ANKRD17: variants seen among roughly 807,000 people sequenced by gnomAD.
ANKRD17 encodes ankyrin repeat domain 17.
ANKRD17 carries 19 observed loss-of-function variants against 229.7 expected under a neutral mutation model. That is an observed-to-expected ratio of 0.08 (90% confidence interval 0.06 to 0.12). ANKRD17 has a LOEUF of 0.12. ANKRD17 is among the 10% of genes least tolerant of loss of function. The probability of loss-of-function intolerance (pLI) is 1.00; values close to 1 mark genes in which losing one functional copy is unlikely to be tolerated. For missense variants in ANKRD17, 2,176 were observed against 3,176.8 expected (o/e 0.68, Z 7.57); for synonymous variants, 1,112 against 1,146.1 (o/e 0.97, Z 0.60).
chr4:73,219,472 T>A (rs1455319246), intron 1 of ANKRD17, among the ~76,000 whole-genome samples: 1 of 152,204 alleles, frequency 6.6e-6, no homozygotes, highest in East Asian at 1.9e-4. Context: ...TAGTCCACAA[T>A]CTTGGCAATC....
rs577750630 is a variant in ANKRD17 at position 73,148,310 on chromosome 4, T to G, written c.1567+503A>C. ...CTAAACTGAAGATATCTTAACATATTGAAGTAATTGTTTCACTTTTCCCAA... is the reference window on the plus strand; with the variant it reads ...CTAAACTGAAGATATCTTAACATATGGAAGTAATTGTTTCACTTTTCCCAA... On this transcript the variant is annotated intron_variant, in intron 8 of 33. Coordinates refer to ENST00000358602, the MANE Select transcript of ANKRD17 (RefSeq NM_032217.5). Among the ~76,000 whole-genome samples the G allele has an allele frequency of 2.8e-3, 419 of 152,316 alleles. 3 individuals are homozygous for G. The highest frequency in any genetic ancestry group is 3.9e-3 in the Non-Finnish European group (267 of 68,024).
At chr4:73,206,381 A>T (rs185711967) in intron 1 of ANKRD17, among the ~76,000 whole-genome samples, 3 of 151,834 alleles carry the variant, frequency 2.0e-5, no homozygotes, top group Non-Finnish European at 4.4e-5. Flanking sequence ...AATGTGGCCT[A>T]TATACACAAT....
At chr4:73,181,249 A>G (rs944435802) in intron 1 of ANKRD17, among the ~76,000 whole-genome samples, 1 of 152,198 alleles carries the variant, frequency 6.6e-6, no homozygotes, top group East Asian at 1.9e-4. Context: ...CAAACATTCT[A>G]TGTGTAAAAA....
intron 2 of ANKRD17, among the ~76,000 whole-genome samples, chr4:73,164,720 A>C (rs1733001211): frequency 6.6e-6 from 1 of 151,676 alleles, no homozygotes; most frequent in Non-Finnish European, 1.5e-5. Context: ...TGAACCCGGG[A>C]GGTGAAGGTT....
rs1720870432 is a variant in ANKRD17 at position 73,074,188 on chromosome 4, T to C, written c.*2043A>G. ...CAAGAAAATATAGGAGTTTTCCCCCTCCTTTTTAAATAAAATACCTCACCT... is the reference window on the plus strand; with the variant it reads ...CAAGAAAATATAGGAGTTTTCCCCCCCCTTTTTAAATAAAATACCTCACCT... On this transcript the variant is annotated 3_prime_UTR_variant, in exon 34 of 34. Transcript: ENST00000358602. 6.6e-6 allele frequency: 1 copy of C among 151,918 alleles called. No homozygotes were observed. The highest frequency in any genetic ancestry group is 6.6e-5 in the Admixed American group (1 of 15,248). 9.4% of individuals were successfully genotyped at this position (151,918 alleles called of 1,614,324 possible).
At position 73,118,668 on chromosome 4, in the gene ANKRD17, T is replaced by C; in HGVS notation, c.4188+20A>G. The C allele has an allele frequency of 1.9e-6, 3 of 1,612,658 alleles. No individual in the cohort carries two copies. Among genetic ancestry groups the C allele is most frequent in the Non-Finnish European group, 2.5e-6 (3 of 1,179,086 alleles). On this transcript the variant is annotated intron_variant, in intron 22 of 33. Transcript: ENST00000358602. ...GTAAGTAAAAAAACATCCAGGTAAA[T>C]GAGGATGAAAGACTTATACCTTTCT...
At chr4:73,122,097 G>A (rs533060777) in intron 18 of ANKRD17, among the ~76,000 whole-genome samples, 5 of 152,134 alleles carry the variant, frequency 3.3e-5, no homozygotes, top group Admixed American at 1.3e-4. Flanking sequence ...AGATTTTTTC[G>A]TATTATACAT....
At chr4:73,084,922 A>G (rs972271824) in intron 30 of ANKRD17, among the ~76,000 whole-genome samples, 2 of 152,096 alleles carry the variant, frequency 1.3e-5, no homozygotes, top group African/African-American at 4.8e-5. Context: ...GGTGGCTCAC[A>G]CCTGTAATCC....
chr4:73,091,478 G>A lies in ANKRD17; in HGVS notation c.6150C>T (p.Ala2050=), dbSNP rs1274441519. ...VSSPSSPSPP[A]QPGGVSRNSP... ...TGTTTCTAGAAACCCCTCCTGGCTG[G>A]GCTGGTGGTGATGGGGAAGATGGGG... Residue 2050 remains alanine (A), a synonymous_variant, in exon 29 of 34, where the codon GCC becomes GCT. Coordinates refer to ENST00000358602, the MANE Select transcript of ANKRD17 (RefSeq NM_032217.5). 1.9e-6 allele frequency: 3 copies of A among 1,614,174 alleles called. No homozygotes were observed. The highest frequency in any genetic ancestry group is 2.5e-6 in the Non-Finnish European group (3 of 1,180,030).
rs555670168 is a variant in ANKRD17 at position 73,207,873 on chromosome 4, C to T, written c.394-30340G>A. 5.5e-4 allele frequency among the ~76,000 whole-genome samples: 84 copies of T among 152,136 alleles called. 1 individual carries two copies. In the South Asian group the frequency reaches 0.016, roughly 29 times the overall value. ...TCTCAGATTTGGCAAAACAAGTAGA[C>T]AGAAAAATCAGTAAGGGTATTAAAA... On this transcript the variant is annotated intron_variant, in intron 1 of 33. Transcript: ENST00000358602.
intron 9 of ANKRD17, 98 bp from the exon 10 acceptor site, chr4:73,146,971 A>G: frequency 1.0e-6 from 1 of 952,470 alleles, no homozygotes; most frequent in Non-Finnish European, 1.5e-6. Context: ...ATACCTCCTC[A>G]AGTTAAACAA....
chr4:73,074,497 A>C lies in ANKRD17; in HGVS notation c.*1734T>G, dbSNP rs1332871952. On this transcript the variant is annotated 3_prime_UTR_variant, in exon 34 of 34. Coordinates refer to ENST00000358602, the MANE Select transcript of ANKRD17 (RefSeq NM_032217.5). ...CTCTCCCTTTAAATTTGGGCATATTAAACATAGGTGGAAAAACAAATTTAT... is the reference window on the plus strand; with the variant it reads ...CTCTCCCTTTAAATTTGGGCATATTCAACATAGGTGGAAAAACAAATTTAT... 6.6e-6 allele frequency: 1 copy of C among 151,942 alleles called. No individual in the cohort carries two copies. The allele number at this position is 151,942 out of a possible 1,614,324, so 9.4% of individuals were successfully genotyped here. A position where few individuals can be genotyped will look rare whatever the true frequency, so the allele number is the denominator to read the frequency against.
intron 1 of ANKRD17, among the ~76,000 whole-genome samples, chr4:73,247,801 C>G (rs991826161): frequency 6.6e-6 from 1 of 151,878 alleles, no homozygotes; most frequent in Non-Finnish European, 1.5e-5. Context: ...AGCAAAATTT[C>G]TAAGTGGTAC....
intron 16 of ANKRD17, among the ~76,000 whole-genome samples, chr4:73,126,131 G>C (rs925882966): frequency 1.2e-4 from 18 of 152,160 alleles, no homozygotes; most frequent in African/African-American, 3.9e-4. Flanking sequence ...AATTTGGAGA[G>C]ATCAAGGTGG....
intron 22 of ANKRD17, among the ~76,000 whole-genome samples, chr4:73,118,254 A>G (rs1726244855): frequency 6.6e-6 from 1 of 152,160 alleles, no homozygotes; most frequent in African/African-American, 2.4e-5. Flanking sequence ...TGCTGAGATT[A>G]CAGGCATGAG....
intron 1 of ANKRD17, among the ~76,000 whole-genome samples, chr4:73,228,287 T>C (rs938690655): frequency 9.2e-5 from 14 of 152,126 alleles, no homozygotes; most frequent in African/African-American, 3.4e-4. Flanking sequence ...AACAACACAT[T>C]CTCATGATTT....
intron 1 of ANKRD17, among the ~76,000 whole-genome samples, chr4:73,242,681 T>C (rs183157873): frequency 1.0e-3 from 155 of 152,294 alleles, no homozygotes; most frequent in Non-Finnish European, 1.8e-3. Flanking sequence ...CCTTCTAAGA[T>C]ACCAAACCAT....
chr4:73,085,968 G>A (rs565556491), intron 29 of ANKRD17, among the ~76,000 whole-genome samples: 1 of 152,220 alleles, frequency 6.6e-6, no homozygotes, highest in South Asian at 2.1e-4. Context: ...GCCAGCCTGA[G>A]TGACAGAGTG....
At chr4:73,079,704 CTT>C in intron 30 of ANKRD17, among the ~76,000 whole-genome samples, 1 of 152,264 alleles carries the variant, frequency 6.6e-6, no homozygotes, top group East Asian at 1.9e-4. Context: ...TAATGAGAAT[CTT>C]TTTTACTTAT....
Sources: gnomAD v4.1 joint callset for allele counts (sites outside exome capture counted in the v4.1 genomes callset) on GRCh38, gnomAD v4.1.1 for gene constraint, MANE v1.5 for transcripts, NCBI Gene and HGNC (gene_info 2026-07-23, HGNC 2026-07-21) for gene names.